The following ZPLD1 variants were observed in gnomAD, a reference collection of about 807,000 sequenced individuals.
ZPLD1 encodes the protein zona pellucida-like domain-containing protein 1.
In ZPLD1, 34 loss-of-function variants were observed where a neutral mutation model predicts 47.2. The observed-to-expected ratio is 0.72, with a 90% CI of 0.55 to 0.96. ZPLD1 has a LOEUF of 0.96. Ranked by LOEUF, ZPLD1 falls within the 40% of genes least tolerant of loss-of-function variation. The probability of loss-of-function intolerance (pLI) is 0.00; values close to 1 mark genes in which losing one functional copy is unlikely to be tolerated. For synonymous variants in ZPLD1, 176 were observed against 186.2 expected (o/e 0.95, Z 0.45); for missense variants, 512 against 505.8 (o/e 1.01, Z -0.12).
chr3:102,388,140 G>A (rs972139901), intron 6 of ZPLD1, among the ~76,000 whole-genome samples: 8 of 152,046 alleles, frequency 5.3e-5, no homozygotes, highest in Non-Finnish European at 1.2e-4. Flanking sequence ...GATTACAGGC[G>A]TGAGCCACCA....
intron 7 of ZPLD1, among the ~76,000 whole-genome samples, chr3:102,404,636 A>G (rs561182302): frequency 1.3e-5 from 2 of 152,090 alleles, no homozygotes; most frequent in Admixed American, 6.6e-5. Flanking sequence ...TCCAGTATAA[A>G]CAAAACTCAA....
At chr3:102,386,527 A>T (rs1383018555) in intron 6 of ZPLD1, among the ~76,000 whole-genome samples, 6 of 152,150 alleles carry the variant, frequency 3.9e-5, no homozygotes, top group Non-Finnish European at 8.8e-5. Context: ...ATTCTTAACC[A>T]GTAATTTCCA....
At chr3:102,408,107 G>T (rs1706711888) in intron 7 of ZPLD1, among the ~76,000 whole-genome samples, 1 of 151,752 alleles carries the variant, frequency 6.6e-6, no homozygotes, top group Non-Finnish European at 1.5e-5. Context: ...GAAAGTCCAG[G>T]GTTGTTATGG....
chr3:102,454,885 G>A (rs879103574), intron 4 of ZPLD1, among the ~76,000 whole-genome samples: 3 of 152,182 alleles, frequency 2.0e-5, no homozygotes, highest in African/African-American at 7.2e-5. Flanking sequence ...CTATATACAT[G>A]TATGTATGTA....
chr3:102,424,130 C>T (rs764946192), intron 8 of ZPLD1, among the ~76,000 whole-genome samples: 2 of 152,222 alleles, frequency 1.3e-5, no homozygotes, highest in South Asian at 2.1e-4. Context: ...AGAAAGGAAA[C>T]GATGGCTCAG....
upstream of ZPLD1, chr3:102,434,986 C>A: frequency 4.0e-6 from 4 of 988,984 alleles, no homozygotes; most frequent in Non-Finnish European, 6.2e-6. Context: ...GGAGCCTGAG[C>A]AGCCAGGATG....
At chr3:102,453,698 A>G (rs1707373136) in intron 4 of ZPLD1, among the ~76,000 whole-genome samples, 2 of 152,248 alleles carry the variant, frequency 1.3e-5, no homozygotes, top group African/African-American at 4.8e-5. Flanking sequence ...AATGTTTATC[A>G]TATCCAGTCT....
At chr3:102,467,690 A>G (rs1421019034) in intron 8 of ZPLD1, among the ~76,000 whole-genome samples, 1 of 152,110 alleles carries the variant, frequency 6.6e-6, no homozygotes, top group Non-Finnish European at 1.5e-5. Flanking sequence ...TTATTAATTT[A>G]AAGGTAAAAA....
Position 102,438,686 on chromosome 3 carries a change from G to T in ZPLD1, c.106+93G>T, listed in dbSNP as rs574314171. 3.6e-5 allele frequency: 32 copies of T among 886,398 alleles called. 1 individual carries two copies. Among genetic ancestry groups the T allele is most frequent in the Non-Finnish European group, 1.7e-6 (1 of 576,936 alleles). The allele number at this position is 886,398 out of a possible 1,614,324, so 54.9% of individuals were successfully genotyped here. ...TTTAAATATATATGGAGAACGGGGG[G>T]CTATCTCTTTACATTAAGTGGATAT... On this transcript the variant is annotated intron_variant, in intron 3 of 11. Coordinates refer to ENST00000466937, the MANE Select transcript of ZPLD1 (RefSeq NM_001329788.2).
chr3:102,458,331 T>C (rs770312539), intron 6 of ZPLD1, among the ~76,000 whole-genome samples: 1 of 152,204 alleles, frequency 6.6e-6, no homozygotes, highest in Non-Finnish European at 1.5e-5. Context: ...CTGAAATAAT[T>C]TGGATTGACT....
chr3:102,399,131 G>T (rs76751746), intron 7 of ZPLD1, among the ~76,000 whole-genome samples: 21,998 of 152,066 alleles, frequency 0.14, 2,077 homozygotes, highest in Middle Eastern at 0.23. Context: ...TGTTTCTTGC[G>T]TGGACTGCTG....
In ZPLD1 at chr3:102,457,844, C is replaced by T; in HGVS notation, c.573C>T (p.Leu191=). The T allele has an allele frequency of 6.2e-7, 1 of 1,613,840 alleles. No individual in the cohort carries two copies. Among genetic ancestry groups the T allele is most frequent in the Non-Finnish European group, 8.5e-7 (1 of 1,179,904 alleles). The stretch of plus-strand genomic sequence containing the variant: ...CATTTGTCAGCACTTTGAACCTGCT[C>T]CTTTATAACGTAAGTTGATGGGTGA... ...NGTFVSTLNL[L]LYNDSTYNQQ... The change falls in exon 6 of 12, where the codon CTC becomes CTT. Residue 191 remains leucine, a synonymous_variant. Coordinates refer to ENST00000466937, the MANE Select transcript of ZPLD1 (RefSeq NM_001329788.2).
Position 102,452,995 on chromosome 3 carries a change from G to A in ZPLD1, c.183G>A (p.Ser61=), listed in dbSNP as rs763028093. The A allele has an allele frequency of 3.1e-6, 5 of 1,613,908 alleles. No homozygotes were observed. Among genetic ancestry groups the A allele is most frequent in the Non-Finnish European group, 4.2e-6 (5 of 1,179,972 alleles). ...TTAATTTTTGCACGGTACTTTTCTC[G>A]GGTTATTCGGAAACAGATCTGGCAC... ...MKINFCTVLF[S]GYSETDLALN... is the part of the protein sequence containing the mutation. The change falls in exon 4 of 12, where the codon TCG becomes TCA. Residue 61 remains serine (S), a synonymous_variant. Transcript: ENST00000466937.
intron 8 of ZPLD1, among the ~76,000 whole-genome samples, chr3:102,428,635 T>C (rs1032745218): frequency 3.3e-5 from 5 of 151,620 alleles, no homozygotes; most frequent in Non-Finnish European, 7.4e-5. Context: ...TTTAATTATC[T>C]GCTATTAAAA....
At chr3:102,409,359 G>A (rs887495086) in intron 7 of ZPLD1, among the ~76,000 whole-genome samples, 2 of 151,716 alleles carry the variant, frequency 1.3e-5, no homozygotes, top group Admixed American at 6.6e-5. Flanking sequence ...GATCCCTCAT[G>A]GCTTGGTCAC....
At chr3:102,423,794 A>C (rs1041567590) in intron 8 of ZPLD1, among the ~76,000 whole-genome samples, 34 of 152,110 alleles carry the variant, frequency 2.2e-4, no homozygotes, top group African/African-American at 7.5e-4. Context: ...GCATAGTCTT[A>C]AAAGGTCTTA....
chr3:102,396,855 G>T (rs868276933), intron 7 of ZPLD1, among the ~76,000 whole-genome samples: 1 of 152,076 alleles, frequency 6.6e-6, no homozygotes, highest in South Asian at 2.1e-4. Context: ...TCTAAACAGA[G>T]TGGTTAAAAA....
chr3:102,424,743 C>T (rs149791285), intron 8 of ZPLD1, among the ~76,000 whole-genome samples: 79 of 152,246 alleles, frequency 5.2e-4, no homozygotes, highest in African/African-American at 1.8e-3. Flanking sequence ...ATACATTTTA[C>T]GAGTACAGTA....
intron 9 of ZPLD1, among the ~76,000 whole-genome samples, chr3:102,469,596 G>A (rs879833696): frequency 6.6e-6 from 1 of 152,110 alleles, no homozygotes; most frequent in Admixed American, 6.6e-5. Flanking sequence ...CTGGCCAAAC[G>A]ATGGTCAAAG....
Sources: gnomAD v4.1 joint callset for allele counts (sites outside exome capture counted in the v4.1 genomes callset) on GRCh38, gnomAD v4.1.1 for gene constraint, MANE v1.5 for transcripts, NCBI Gene and HGNC (gene_info 2026-07-23, HGNC 2026-07-21) for gene names.